Variants in DNAH12 observed in about 807,000 individuals in gnomAD.
DNAH12 encodes dynein axonemal heavy chain 12.
A neutral mutation model predicts 371.5 loss-of-function variants in DNAH12; 285 were observed. That is an observed-to-expected ratio of 0.77 (90% confidence interval 0.70 to 0.85). The LOEUF (loss-of-function observed/expected upper bound fraction) is 0.85, where lower values mean the gene tolerates loss of function less well. Among genes scored for constraint, DNAH12 ranks in the 40% least tolerant of loss-of-function variants. The pLI is 0.00. For missense variants in DNAH12, 3,611 were observed against 3,689.4 expected (o/e 0.98, Z 0.55); for synonymous variants, 1,200 against 1,213.0 (o/e 0.99, Z 0.22).
rs2061845880 is a variant in DNAH12, at chr3:57,323,125, T to C, written c.10265A>G (p.Gln3422Arg). 1 of 1,552,346 alleles carries C rather than the reference T, an allele frequency of 6.4e-7. No homozygotes were observed. The highest frequency in any genetic ancestry group is 8.7e-7 in the Non-Finnish European group (1 of 1,147,160). Reference protein sequence around the residue: ...AIEEGTWVCLQNCHLAVSWMP... With the variant: ...AIEEGTWVCLRNCHLAVSWMP... ...CCAGGACACTGCAAGATGGCAATTC[T>C]GTAGGCACACCCAAGTTCCTTCTTC... Residue 3422 changes from glutamine to arginine, a missense_variant, in exon 64 of 74, where the codon CAG becomes CGG. Gln to Arg is a conservative substitution (Grantham distance 43). Around this residue, in one of 3 missense-constraint regions of DNAH12, gnomAD observed 2,266 missense variants for 2,236.9 expected, o/e 1.01. Transcript: ENST00000495027.
chr3:57,513,723 C>T (rs1255895038), intron 4 of DNAH12, among the ~76,000 whole-genome samples: 15 of 152,096 alleles, frequency 9.9e-5, no homozygotes, highest in African/African-American at 3.6e-4. Context: ...TTCATAATTA[C>T]AGAAAGCAAA....
chr3:57,367,493 A>G (rs1188411029), intron 56 of DNAH12, among the ~76,000 whole-genome samples: 1 of 152,156 alleles, frequency 6.6e-6, no homozygotes, highest in African/African-American at 2.4e-5. Context: ...TCCTCCATCA[A>G]TTTTCAATCA....
chr3:57,296,524 C>G, intron 71 of DNAH12, 89 bp from the exon 72 acceptor site: 1 of 1,009,724 alleles, frequency 9.9e-7, no homozygotes. Flanking sequence ...AGAACACATT[C>G]AGGGAAACTC....
At chr3:57,311,042 T>C in intron 66 of DNAH12, 92 bp from the exon 67 acceptor site, 1 of 902,566 alleles carries the variant, frequency 1.1e-6, no homozygotes, top group South Asian at 1.7e-5. Flanking sequence ...AGAAAGGGGG[T>C]TGAAAGAATT....
At chr3:57,366,056 G>A (rs2063045807) in intron 57 of DNAH12, among the ~76,000 whole-genome samples, 4 of 152,166 alleles carry the variant, frequency 2.6e-5, no homozygotes, top group South Asian at 2.1e-4. Context: ...AAACGGTTGG[G>A]CATTCTAAGT....
chr3:57,498,063 T>A (rs1287162324), intron 11 of DNAH12: 1 of 156,350 alleles, frequency 6.4e-6, no homozygotes, highest in African/African-American at 2.4e-5. Context: ...AGATGGAACA[T>A]GACATGTTAA....
In DNAH12 at chr3:57,425,131, G is replaced by A. The variant is rs1242205735; in HGVS notation, c.5264C>T (p.Pro1755Leu). Reference sequence around the variant, plus strand: ...TACAACCACGTTGCTGTTGCTTGTAGGAATCAGTTCCTGCAAGGTGAAAAT... The same window carrying A: ...TACAACCACGTTGCTGTTGCTTGTAAGAATCAGTTCCTGCAAGGTGAAAAT... The part of the protein sequence containing the change: ...QRKKKCKELI[P>L]TSNSNVVVSL... Residue 1755 changes from proline to leucine, a missense_variant, in exon 35 of 74, where the codon CCT (proline) becomes CTT (leucine). By Grantham distance (98) the Pro-to-Leu change is moderately conservative. This residue lies in a region of DNAH12 where 2,266 missense variants were observed against 2,236.9 expected (regional missense o/e 1.01). Transcript: ENST00000495027. 1.4e-6 allele frequency: 1 copy of A among 702,012 alleles called. No homozygotes were observed. Among genetic ancestry groups the A allele is most frequent in the African/African-American group, 1.7e-5 (1 of 57,336 alleles). 43.5% of individuals were successfully genotyped at this position (702,012 alleles called of 1,614,324 possible).
At chr3:57,425,983 T>C (rs1417885682) in intron 34 of DNAH12, among the ~76,000 whole-genome samples, 1 of 151,846 alleles carries the variant, frequency 6.6e-6, no homozygotes, top group Admixed American at 6.6e-5. Flanking sequence ...GGATAAACAA[T>C]TGGAGGAGTG....
At chr3:57,411,279 G>A (rs1344482810) in intron 39 of DNAH12, among the ~76,000 whole-genome samples, 1 of 152,114 alleles carries the variant, frequency 6.6e-6, no homozygotes, top group Non-Finnish European at 1.5e-5. Context: ...TGTAATCCCA[G>A]CATTTTGGGA....
At chr3:57,328,260 A>C (rs2061998733) in intron 62 of DNAH12, among the ~76,000 whole-genome samples, 1 of 151,934 alleles carries the variant, frequency 6.6e-6, no homozygotes, top group Non-Finnish European at 1.5e-5. Flanking sequence ...CACAACCAAA[A>C]AAGAGAATTT....
chr3:57,480,653 C>T (rs556643493), intron 13 of DNAH12, among the ~76,000 whole-genome samples: 33 of 152,062 alleles, frequency 2.2e-4, no homozygotes, highest in South Asian at 2.1e-3. Flanking sequence ...TGATGAACGT[C>T]GATGCAAAAA....
intron 11 of DNAH12, among the ~76,000 whole-genome samples, chr3:57,491,081 CAA>C (rs553885449): frequency 4.3e-5 from 3 of 70,396 alleles, no homozygotes; most frequent in Non-Finnish European, 5.5e-5. Context: ...GACTCTATCT[CAA>C]AAAAAAAAAA....
In DNAH12 at chr3:57,428,772, A is replaced by C. The variant is rs201717120; in HGVS notation, c.5114T>G (p.Leu1705Ter). 879 of 1,550,050 alleles carry C rather than the reference A, an allele frequency of 5.7e-4. 1 individual carries two copies. The highest frequency in any genetic ancestry group is 6.9e-4 in the Non-Finnish European group (788 of 1,146,644). ...AGAAGACACAAGTGGTTCCCATCCT[A>C]ACTGTGAAGGCTCCAAATAAATCAT... The part of the protein sequence containing the change: ...CGMIYLEPSQ[L>*]GWEPLVSSWL... The change falls in exon 34 of 74, where the codon TTA (leucine) becomes TGA (stop). Residue 1705 changes from leucine (L) to a stop codon, truncating the protein, a stop_gained. Transcript: ENST00000495027. LOFTEE classifies it high-confidence loss of function.
rs761198137 is a variant in DNAH12, at chr3:57,428,638, A to AT, written c.5247dup (p.Cys1750MetfsTer21). The AT allele has an allele frequency of 2.6e-6, 4 of 1,528,984 alleles. No homozygotes were observed. The highest frequency in any genetic ancestry group is 1.4e-5 in the African/African-American group (1 of 71,784). The allele number at this position is 1,528,984 out of a possible 1,614,324, so 94.7% of individuals were successfully genotyped here. A position where few individuals can be genotyped will look rare whatever the true frequency, so the allele number is the denominator to read the frequency against. The stretch of plus-strand genomic sequence containing the variant: ...TCAGAGAATTATAGGATTACCTTGC[A>AT]TTTTTTCTTACGCTGGTTTAAAGAG... On this transcript the variant is annotated frameshift_variant, in exon 34 of 74. Coordinates refer to ENST00000495027, the MANE Select transcript of DNAH12 (RefSeq NM_001366028.2). LOFTEE classifies it high-confidence loss of function.
intron 52 of DNAH12, among the ~76,000 whole-genome samples, chr3:57,377,748 C>CA (rs2063310294): frequency 6.6e-6 from 1 of 152,034 alleles, no homozygotes; most frequent in East Asian, 1.9e-4. Flanking sequence ...GAATTTTCCC[C>CA]AACAAATACT....
rs146501399 is a variant in DNAH12, at chr3:57,449,963, C to G, written c.3786+2880G>C. The stretch of plus-strand genomic sequence containing the variant: ...GTTATATTCAAGCGTTTAATATGAT[C>G]CCGGGTGGGCACAGTGGCTCACACC... On this transcript the variant is annotated intron_variant, in intron 25 of 73. Transcript: ENST00000495027. Among the ~76,000 whole-genome samples the G allele has an allele frequency of 1.7e-3, 266 of 152,274 alleles. 1 individual carries two copies. Among genetic ancestry groups the G allele is most frequent in the African/African-American group, 6.2e-3 (256 of 41,560 alleles).
intron 11 of DNAH12, among the ~76,000 whole-genome samples, chr3:57,499,602 G>A (rs2067439538): frequency 8.6e-6 from 1 of 116,086 alleles, no homozygotes. Flanking sequence ...AAAACCACCT[G>A]GGGAAACATA....
chr3:57,401,025 C>A (rs1266577037), intron 43 of DNAH12, among the ~76,000 whole-genome samples: 2 of 151,968 alleles, frequency 1.3e-5, no homozygotes, highest in African/African-American at 4.8e-5. Flanking sequence ...TTCCTGATCA[C>A]AATGGTACAA....
At chr3:57,373,644 T>G (rs2063223253) in intron 55 of DNAH12, among the ~76,000 whole-genome samples, 1 of 152,106 alleles carries the variant, frequency 6.6e-6, no homozygotes, top group Non-Finnish European at 1.5e-5. Flanking sequence ...ATTTTCTAAA[T>G]TGCAATTTAA....
Sources: allele counts gnomAD v4.1 joint callset (sites outside exome capture counted in the v4.1 genomes callset), GRCh38; gene constraint gnomAD v4.1.1; regional missense constraint gnomAD v4.1.1; transcripts MANE v1.5; gene names NCBI Gene and HGNC (gene_info 2026-07-23, HGNC 2026-07-21).